Variants in CRYBG1 observed in about 807,000 individuals in gnomAD.
The protein encoded by CRYBG1 is beta/gamma crystallin domain-containing protein 1.
Under a neutral mutation model 189.2 loss-of-function variants are expected in CRYBG1, and 139 were observed. That is an observed-to-expected ratio of 0.73 (90% CI 0.64 to 0.85). The LOEUF is 0.85. CRYBG1 is among the 40% of genes least tolerant of loss of function. CRYBG1 has a pLI of 0.00. For missense variants in CRYBG1, 2,611 were observed against 2,675.8 expected (o/e 0.98, Z 0.53); for synonymous variants, 1,023 against 1,017.1 (o/e 1.01, Z -0.11).
intron 2 of CRYBG1, among the ~76,000 whole-genome samples, chr6:106,462,050 GCTAA>G (rs1411134783): frequency 3.3e-5 from 5 of 152,164 alleles, no homozygotes; most frequent in African/African-American, 7.2e-5. Flanking sequence ...ATTATGCAAG[GCTAA>G]CTAAGTATTT....
chr6:106,472,943 T>C (rs1053056004), intron 2 of CRYBG1, among the ~76,000 whole-genome samples: 1 of 151,930 alleles, frequency 6.6e-6, no homozygotes, highest in African/African-American at 2.4e-5. Flanking sequence ...TATTCTGTTA[T>C]TACAGTAAAT....
intron 2 of CRYBG1, 110 bp downstream of exon 2, chr6:106,451,942 T>TC: frequency 1.4e-6 from 1 of 695,190 alleles, no homozygotes; most frequent in Non-Finnish European, 2.0e-6. Flanking sequence ...ATGGTATATA[T>TC]TGTATATCAT....
rs535239398 is a variant in CRYBG1, at chr6:106,511,929, C to G, written c.812C>G (p.Pro271Arg). The change falls in exon 3 of 22, where the codon CCC (proline) becomes CGC (arginine). Residue 271 changes from proline (P) to arginine (R), a missense_variant. This residue lies in a region of CRYBG1 where 985 missense variants were observed against 924.4 expected (regional missense o/e 1.07). Coordinates refer to ENST00000633556, the MANE Select transcript of CRYBG1 (RefSeq NM_001371242.2). The part of the protein sequence containing the change: ...NSSRQENAET[P>R]ARSPGEDASP... ...TCCAGGCAAGAGAACGCAGAGACGC[C>G]CGCCCGCAGTCCGGGGGAGGACGCT... 1.6e-4 allele frequency: 251 copies of G among 1,525,276 alleles called. 1 individual carries two copies. The South Asian group carries it at 2.6e-3, about 16-fold the overall frequency. The allele number at this position is 1,525,276 out of a possible 1,614,324, so 94.5% of individuals were successfully genotyped here. A position where few individuals can be genotyped will look rare whatever the true frequency, so the allele number is the denominator to read the frequency against.
chr6:106,447,821 A>C (rs1030621461), intron 1 of CRYBG1, among the ~76,000 whole-genome samples: 1 of 152,096 alleles, frequency 6.6e-6, no homozygotes, highest in African/African-American at 2.4e-5. Context: ...AGGGAGTGGA[A>C]TTGTTCACCT....
chr6:106,391,928 CGTGTGTGTGT>C (rs57024907), intron 1 of CRYBG1, among the ~76,000 whole-genome samples: 584 of 131,370 alleles, frequency 4.4e-3, no homozygotes, highest in Middle Eastern at 0.016. Flanking sequence ...TTGTTTAAAA[CGTGTGTGTGT>C]GTGTGTGTGT....
chr6:106,451,648 C>T (rs1428873073), intron 1 of CRYBG1, 46 bp from the exon 2 acceptor site: 3 of 1,432,612 alleles, frequency 2.1e-6, no homozygotes, highest in East Asian at 5.3e-5. Context: ...GAGATTTTGG[C>T]ATTGTTCATA....
chr6:106,511,586 T>G lies in CRYBG1; in HGVS notation c.469T>G (p.Ser157Ala). 6.5e-7 allele frequency: 1 copy of G among 1,535,722 alleles called. No individual in the cohort carries two copies. The highest frequency in any genetic ancestry group is 8.7e-7 in the Non-Finnish European group (1 of 1,146,698). The change falls in exon 3 of 22, where the codon TCT (serine) becomes GCT (alanine). Residue 157 changes from serine to alanine, a missense_variant. Ser to Ala is a moderately conservative substitution (Grantham distance 99). This residue lies in a region of CRYBG1 where 985 missense variants were observed against 924.4 expected (regional missense o/e 1.07). Coordinates refer to ENST00000633556, the MANE Select transcript of CRYBG1 (RefSeq NM_001371242.2). ...ACTCTCTCCCAAAGATGTGGTAGCC[T>G]CTCCTAAGCTCCCAGAGAGAGAGAG... Reference protein sequence around the residue: ...KPLSPKDVVASPKLPERESER... With the variant: ...KPLSPKDVVAAPKLPERESER...
At chr6:106,434,826 A>G (rs1165879881) in intron 1 of CRYBG1, among the ~76,000 whole-genome samples, 1 of 152,256 alleles carries the variant, frequency 6.6e-6, no homozygotes, top group Non-Finnish European at 1.5e-5. Context: ...AAAACTAGAG[A>G]ATAATAAATC....
intron 16 of CRYBG1, 71 bp downstream of exon 16, chr6:106,553,638 T>C (rs966948291): frequency 4.9e-6 from 5 of 1,024,030 alleles, no homozygotes; most frequent in East Asian, 4.9e-5. Context: ...AGCAAGTATA[T>C]AGTGATGCCT....
In CRYBG1 at chr6:106,512,416, G is replaced by T; in HGVS notation, c.1299G>T (p.Ala433=). 6.2e-7 allele frequency: 1 copy of T among 1,608,466 alleles called. No individual in the cohort carries two copies. The highest frequency in any genetic ancestry group is 8.5e-7 in the Non-Finnish European group (1 of 1,178,202). The change falls in exon 3 of 22, where the codon GCG becomes GCT. Residue 433 remains alanine (A), a synonymous_variant. Transcript: ENST00000633556. ...AGAAATCCACCGACTCCCCCGGCGC[G>T]GACGCCGAGCTCCCTGAGAGCGCTG... ...GSQKSTDSPG[A]DAELPESAAR...
chr6:106,565,253 G>A (rs9384622), intron 21 of CRYBG1, among the ~76,000 whole-genome samples: 106,107 of 151,634 alleles, frequency 0.7, 38,834 homozygotes, highest in South Asian at 0.83. Context: ...CCCGGGAGGC[G>A]GACGTTGCAC....
At chr6:106,562,212 T>G (rs906691691) in intron 20 of CRYBG1, among the ~76,000 whole-genome samples, 1 of 152,146 alleles carries the variant, frequency 6.6e-6, no homozygotes, top group Admixed American at 6.5e-5. Flanking sequence ...ACTCGTTAAT[T>G]GGGTCTGTTG....
intron 21 of CRYBG1, among the ~76,000 whole-genome samples, chr6:106,566,510 C>T (rs903488965): frequency 7.3e-4 from 80 of 110,008 alleles, no homozygotes; most frequent in Admixed American, 1.4e-3. Context: ...CTCACTCTGT[C>T]GTCCAGGCTG....
At chr6:106,378,784 G>A (rs761029938) in intron 1 of CRYBG1, among the ~76,000 whole-genome samples, 6 of 152,136 alleles carry the variant, frequency 3.9e-5, no homozygotes, top group African/African-American at 7.2e-5. Flanking sequence ...CTGGTTTATT[G>A]CAATGTCTTT....
intron 2 of CRYBG1, among the ~76,000 whole-genome samples, chr6:106,502,863 C>T (rs1773038218): frequency 2.0e-5 from 3 of 152,226 alleles, no homozygotes; most frequent in Admixed American, 2.0e-4. Flanking sequence ...CACATGGCCT[C>T]TTCCAAGGCC....
chr6:106,475,276 C>T (rs973534447), intron 2 of CRYBG1, among the ~76,000 whole-genome samples: 4 of 152,082 alleles, frequency 2.6e-5, no homozygotes, highest in Non-Finnish European at 4.4e-5. Context: ...AGATTTTTAG[C>T]CTAAGAAATG....
intron 2 of CRYBG1, among the ~76,000 whole-genome samples, chr6:106,484,424 C>A (rs536677109): frequency 2.6e-5 from 4 of 152,024 alleles, no homozygotes; most frequent in Non-Finnish European, 5.9e-5. Flanking sequence ...CTCAAGCAAT[C>A]CTCCAACCTC....
intron 2 of CRYBG1, among the ~76,000 whole-genome samples, chr6:106,458,212 C>A (rs1379031282): frequency 1.3e-5 from 2 of 152,210 alleles, no homozygotes; most frequent in Non-Finnish European, 2.9e-5. Flanking sequence ...TTCTGATGTG[C>A]TGTAAACTAT....
intron 1 of CRYBG1, among the ~76,000 whole-genome samples, chr6:106,422,020 C>T (rs545639767): frequency 6.6e-6 from 1 of 152,306 alleles, no homozygotes; most frequent in East Asian, 1.9e-4. Context: ...AGGTCCCTCC[C>T]ACAACACATG....
Sources: allele counts gnomAD v4.1 joint callset (sites outside exome capture counted in the v4.1 genomes callset), GRCh38; gene constraint gnomAD v4.1.1; regional missense constraint gnomAD v4.1.1; transcripts MANE v1.5; gene names NCBI Gene and HGNC (gene_info 2026-07-23, HGNC 2026-07-21).